ZNF254: variants seen among roughly 807,000 people sequenced by gnomAD.
The protein encoded by ZNF254 is zinc finger protein 254.
ZNF254 carries 10 observed loss-of-function variants against 12.4 expected under a neutral mutation model. That is an observed-to-expected ratio of 0.80 (90% CI 0.50 to 1.36). ZNF254 has a LOEUF of 1.36. Among genes scored for constraint, ZNF254 ranks in the 40% most tolerant of loss-of-function variants. ZNF254 has a pLI of 0.00. For synonymous variants in ZNF254, 305 were observed against 253.4 expected (o/e 1.20, Z -1.93); for missense variants, 996 against 763.9 (o/e 1.30, Z -3.58).
rs113185240 is a variant in ZNF254, at chr19:24,073,446, A to G, written c.-94+27167A>G. On this transcript the variant is annotated intron_variant, in intron 2 of 4. Transcript: ENST00000613065. ...TACCAGGAAGAAAGTTTCAGAGAAA[A>G]TTGTGACTTTCATGAATACTGTATA... is the stretch of plus-strand genomic sequence containing the variant. Among the ~76,000 whole-genome samples the G allele has an allele frequency of 3.7e-3, 559 of 152,294 alleles. 3 individuals are homozygous for G. Among genetic ancestry groups the G allele is most frequent in the African/African-American group, 0.013 (527 of 41,550 alleles).
intron 1 of ZNF254, among the ~76,000 whole-genome samples, chr19:24,041,633 C>T (rs1296228456): frequency 3.9e-5 from 6 of 152,224 alleles, no homozygotes; most frequent in African/African-American, 1.4e-4. Flanking sequence ...CGAGCCTCCC[C>T]GACGAGCACC....
In ZNF254 at chr19:24,126,916, T is replaced by C; in HGVS notation, c.916T>C (p.Ser306Pro). 1 of 1,613,178 alleles carries C rather than the reference T, an allele frequency of 6.2e-7. No individual in the cohort carries two copies. The change falls in exon 4 of 4, where the codon TCC becomes CCC. Residue 306 changes from serine (S) to proline (P), a missense_variant. By Grantham distance (74) the Ser-to-Pro change is moderately conservative. Coordinates refer to ENST00000357002, the MANE Select transcript of ZNF254 (RefSeq NM_203282.4). Reference protein sequence around the residue: ...CEECGKAFIWSSTLTEHKKIH... With the variant: ...CEECGKAFIWPSTLTEHKKIH... ...AGAATGTGGCAAAGCATTTATCTGG[T>C]CCTCAACCCTTACTGAGCATAAGAA...
intron 3 of ZNF254, among the ~76,000 whole-genome samples, chr19:24,122,637 C>T (rs11085664): frequency 0.09 from 13,672 of 152,162 alleles, 992 homozygotes; most frequent in East Asian, 0.24. Flanking sequence ...TGGCTCATTT[C>T]ATTTTACATA....
chr19:24,063,047 TACCTC>T (rs1568434159), intron 2 of ZNF254, among the ~76,000 whole-genome samples: 2 of 152,134 alleles, frequency 1.3e-5, no homozygotes, highest in South Asian at 2.1e-4. Context: ...GTGATCCACT[TACCTC>T]AGCCTCCCAA....
At chr19:24,047,182 T>G (rs2145258867) in intron 2 of ZNF254, among the ~76,000 whole-genome samples, 1 of 152,078 alleles carries the variant, frequency 6.6e-6, no homozygotes, top group East Asian at 1.9e-4. Flanking sequence ...TTTCCTATTT[T>G]CCTATTTTTT....
chr19:24,060,936 GC>G (rs369052476), intron 2 of ZNF254, among the ~76,000 whole-genome samples: 560 of 152,218 alleles, frequency 3.7e-3, no homozygotes, highest in African/African-American at 0.013. Context: ...ATATCCCTGA[GC>G]CCCTAATTTA....
intron 2 of ZNF254, chr19:24,049,081 ACTAC>A (rs753369370): frequency 0.15 from 22,028 of 144,264 alleles, 1,808 homozygotes; most frequent in Middle Eastern, 0.23. Flanking sequence ...TACCTACCTA[ACTAC>A]CTACCTACCT....
Position 24,106,572 on chromosome 19 carries a change from T to C in ZNF254, c.182T>C (p.Leu61Pro). The change falls in exon 3 of 4, where the codon CTG becomes CCG. Residue 61 changes from leucine to proline, a missense_variant. By Grantham distance (98) the Leu-to-Pro change is moderately conservative. Coordinates refer to ENST00000357002, the MANE Select transcript of ZNF254 (RefSeq NM_203282.4). The stretch of plus-strand genomic sequence containing the variant: ...GGTATTGCTGTCTCTAAGCCAGACC[T>C]GATCACCTGTCTGGAACAAGGGAAA... ...FLGIAVSKPD[L>P]ITCLEQGKEP... is the part of the protein sequence containing the mutation. 1 of 1,583,132 alleles carries C rather than the reference T, an allele frequency of 6.3e-7. No homozygotes were observed. The highest frequency in any genetic ancestry group is 8.6e-7 in the Non-Finnish European group (1 of 1,162,688).
rs1022460445 is a variant in ZNF254, at chr19:24,127,217, A to G, written c.1217A>G (p.Tyr406Cys). ...ATAATTCATGTTGGAGAGAAACTCT[A>G]CAAATGTGAAGAATGCGGCAAAGGT... ...HKIIHVGEKL[Y>C]KCEECGKGFN... Residue 406 changes from tyrosine (Y) to cysteine (C), a missense_variant, in exon 4 of 4, where the codon TAC becomes TGC. Tyr to Cys is a radical substitution (Grantham distance 194, BLOSUM62 -2). Transcript: ENST00000357002. 2.4e-5 allele frequency: 39 copies of G among 1,613,226 alleles called. No homozygotes were observed. The highest frequency in any genetic ancestry group is 3.0e-5 in the Non-Finnish European group (35 of 1,179,608).
intron 2 of ZNF254, among the ~76,000 whole-genome samples, chr19:24,063,618 C>T (rs1045349484): frequency 6.6e-6 from 1 of 152,198 alleles, no homozygotes; most frequent in Non-Finnish European, 1.5e-5. Flanking sequence ...CTTCACCAAT[C>T]ACCCTGGAAA....
chr19:24,107,251 G>T (rs1258587051), intron 3 of ZNF254: 3 of 647,390 alleles, frequency 4.6e-6, no homozygotes, highest in Non-Finnish European at 8.3e-6. Context: ...AAAAACACTG[G>T]AATTTTGATA....
chr19:24,075,185 C>T (rs1430081281), intron 2 of ZNF254, among the ~76,000 whole-genome samples: 1 of 152,210 alleles, frequency 6.6e-6, no homozygotes, highest in African/African-American at 2.4e-5. Flanking sequence ...TATCACTTGA[C>T]CCAGCACCTA....
intron 2 of ZNF254, among the ~76,000 whole-genome samples, chr19:24,070,497 A>C (rs1971443585): frequency 6.6e-6 from 1 of 152,180 alleles, no homozygotes; most frequent in Non-Finnish European, 1.5e-5. Flanking sequence ...GATTCAGTGC[A>C]CCTGTGAGGC....
intron 1 of ZNF254, chr19:24,104,972 A>T (rs887929322): frequency 5.3e-5 from 8 of 152,230 alleles, no homozygotes; most frequent in African/African-American, 1.9e-4. Flanking sequence ...ATTACAAATT[A>T]CAGAACATGA....
At chr19:24,074,066 C>T (rs1272791989) in intron 2 of ZNF254, among the ~76,000 whole-genome samples, 1 of 152,210 alleles carries the variant, frequency 6.6e-6, no homozygotes, top group Non-Finnish European at 1.5e-5. Flanking sequence ...CTGAGCCCCA[C>T]ACCTTGGTTA....
In ZNF254 at chr19:24,111,461, T is replaced by C. The variant is rs569331867; in HGVS notation, c.253+4818T>C. Among the ~76,000 whole-genome samples, 3 of 152,338 alleles carry C rather than the reference T, an allele frequency of 2.0e-5. No individual in the cohort carries two copies. In the East Asian group the frequency reaches 5.8e-4, roughly 29 times the overall value. On this transcript the variant is annotated intron_variant, in intron 3 of 3. Coordinates refer to ENST00000357002, the MANE Select transcript of ZNF254 (RefSeq NM_203282.4). ...AGCATGATTTATAGTCCTTTGGGTA[T>C]CTACCCAGTAATGGGATGGCTGGGT...
chr19:24,044,430 T>C (rs1363787388), intron 1 of ZNF254, among the ~76,000 whole-genome samples: 2 of 149,690 alleles, frequency 1.3e-5, no homozygotes, highest in African/African-American at 4.9e-5. Context: ...CCCAGCTACT[T>C]GGGAGGCTGA....
chr19:24,115,650 T>C (rs1339717173), intron 3 of ZNF254, among the ~76,000 whole-genome samples: 2 of 152,092 alleles, frequency 1.3e-5, no homozygotes, highest in Non-Finnish European at 2.9e-5. Flanking sequence ...ATTGTGCACA[T>C]GTACCGTAAA....
rs1243646856 is a variant in ZNF254 at position 24,036,397 on chromosome 19, C to G, written c.-190+2776C>G. Among the ~76,000 whole-genome samples the G allele has an allele frequency of 8.5e-5, 13 of 152,066 alleles. 1 individual carries two copies. The highest frequency in any genetic ancestry group is 1.9e-4 in the Non-Finnish European group (13 of 68,014). On this transcript the variant is annotated intron_variant, in intron 1 of 4. Coordinates refer to the ZNF254 transcript ENST00000613065. ...TGCTAAGTTCTGTGAGTAGCTGTAT[C>G]ATTATTTAACTTGAGAAGATTATGA... is the stretch of plus-strand genomic sequence containing the variant.
Sources: gnomAD v4.1 joint callset for allele counts (sites outside exome capture counted in the v4.1 genomes callset) on GRCh38, gnomAD v4.1.1 for gene constraint, MANE v1.5 for transcripts, NCBI Gene and HGNC (gene_info 2026-07-23, HGNC 2026-07-21) for gene names.